Variants in GALNTL6 observed in about 807,000 individuals in gnomAD.
GALNTL6 encodes the protein polypeptide N-acetylgalactosaminyltransferase like 6, also known as polypeptide N-acetylgalactosaminyltransferase-like 6.
GALNTL6 carries 46 observed loss-of-function variants against 73.7 expected under a neutral mutation model. That is an observed-to-expected ratio of 0.62 (90% CI 0.49 to 0.80). The LOEUF (loss-of-function observed/expected upper bound fraction) is 0.80, where lower values mean the gene tolerates loss of function less well. GALNTL6 is among the 30% of genes least tolerant of loss of function. The pLI is 0.00. For synonymous variants in GALNTL6, 259 were observed against 263.7 expected (o/e 0.98, Z 0.17); for missense variants, 604 against 755.0 (o/e 0.80, Z 2.34).
chr4:171,954,719 T>C (rs1029389835), intron 2 of GALNTL6, among the ~76,000 whole-genome samples: 1 of 152,186 alleles, frequency 6.6e-6, no homozygotes, highest in South Asian at 2.1e-4. Flanking sequence ...TCTTGTCGAA[T>C]TGTAATCCCC....
At chr4:171,822,690 T>C (rs547464761) in intron 2 of GALNTL6, among the ~76,000 whole-genome samples, 6 of 152,330 alleles carry the variant, frequency 3.9e-5, no homozygotes, top group Admixed American at 1.3e-4. Flanking sequence ...ACCATATTTT[T>C]GGATATGCAA....
At chr4:172,375,295 G>A (rs1030609828) in intron 5 of GALNTL6, among the ~76,000 whole-genome samples, 12 of 152,220 alleles carry the variant, frequency 7.9e-5, no homozygotes, top group Admixed American at 5.9e-4. Flanking sequence ...GTTGTAACTT[G>A]TACTTCCCTT....
chr4:172,634,235 C>G (rs1739544044), intron 5 of GALNTL6, among the ~76,000 whole-genome samples: 1 of 152,154 alleles, frequency 6.6e-6, no homozygotes, highest in South Asian at 2.1e-4. Context: ...TCTCTCCAGT[C>G]CATAGCAGTG....
intron 2 of GALNTL6, among the ~76,000 whole-genome samples, chr4:172,094,630 A>G (rs2110947459): frequency 6.6e-6 from 1 of 152,230 alleles, no homozygotes; most frequent in South Asian, 2.1e-4. Flanking sequence ...ATGTTTCAAA[A>G]TCATGCTATT....
In GALNTL6 at chr4:172,726,847, C is replaced by G. The variant is rs78918619; in HGVS notation, c.554-82514C>G. ...ACCTGGTGTATGAGGTCCCTATTCT[C>G]TCTCTAATAGTCCCTGCTTCTGTGA... On this transcript the variant is annotated intron_variant, in intron 5 of 12. Coordinates refer to ENST00000506823, the MANE Select transcript of GALNTL6 (RefSeq NM_001034845.3). 4.8e-3 allele frequency among the ~76,000 whole-genome samples: 735 copies of G among 152,274 alleles called. 7 individuals are homozygous for G. The highest frequency in any genetic ancestry group is 0.016 in the African/African-American group (683 of 41,540).
chr4:172,064,692 C>T (rs1731306253), intron 2 of GALNTL6, among the ~76,000 whole-genome samples: 1 of 152,080 alleles, frequency 6.6e-6, no homozygotes, highest in South Asian at 2.1e-4. Context: ...TTGATATCAC[C>T]TCTTTCCAAC....
chr4:172,406,782 T>C (rs187706140), intron 5 of GALNTL6, among the ~76,000 whole-genome samples: 2 of 152,080 alleles, frequency 1.3e-5, no homozygotes, highest in South Asian at 2.1e-4. Context: ...TCAATACTTT[T>C]CAAATTTTAC....
chr4:171,982,361 G>T (rs140104949), intron 2 of GALNTL6, among the ~76,000 whole-genome samples: 1 of 151,994 alleles, frequency 6.6e-6, no homozygotes, highest in Non-Finnish European at 1.5e-5. Flanking sequence ...GCAGTGGCGC[G>T]ATCTCGGCCC....
At chr4:171,944,292 G>T (rs908682421) in intron 2 of GALNTL6, among the ~76,000 whole-genome samples, 1 of 151,890 alleles carries the variant, frequency 6.6e-6, no homozygotes, top group South Asian at 2.1e-4. Flanking sequence ...ACATTGTGTT[G>T]GAATAGAAGA....
chr4:172,227,882 G>C (rs959803135), intron 2 of GALNTL6, among the ~76,000 whole-genome samples: 5 of 152,136 alleles, frequency 3.3e-5, no homozygotes, highest in Admixed American at 6.5e-5. Context: ...AAACGCTGGA[G>C]TTTACACAAG....
intron 2 of GALNTL6, among the ~76,000 whole-genome samples, chr4:172,055,943 A>T (rs1731008263): frequency 6.6e-6 from 1 of 152,186 alleles, no homozygotes; most frequent in Non-Finnish European, 1.5e-5. Flanking sequence ...AAAAGTTGTC[A>T]GTTTATGATG....
At chr4:171,914,658 T>G (rs1737565454) in intron 2 of GALNTL6, among the ~76,000 whole-genome samples, 1 of 151,648 alleles carries the variant, frequency 6.6e-6, no homozygotes, top group African/African-American at 2.4e-5. Flanking sequence ...TCAGGCAATC[T>G]GCCCGTCTTG....
Position 172,042,655 on chromosome 4 carries a change from T to TA in GALNTL6, c.139-186993dup, listed in dbSNP as rs112209115. On this transcript the variant is annotated intron_variant, in intron 2 of 12. Transcript: ENST00000506823. ...ATTATCTGGAAAAATCTGCTTTTTT[T>TA]AAAAAAAATATACAAAACAACTCAA... is the stretch of plus-strand genomic sequence containing the variant. Among the ~76,000 whole-genome samples the TA allele has an allele frequency of 8.8e-4, 134 of 151,464 alleles. 1 individual carries two copies. The highest frequency in any genetic ancestry group is 2.8e-3 in the African/African-American group (117 of 41,364).
At chr4:173,014,408 G>C (rs905358001) in intron 11 of GALNTL6, among the ~76,000 whole-genome samples, 5 of 152,218 alleles carry the variant, frequency 3.3e-5, no homozygotes. Context: ...CCACTCTGCA[G>C]GCCCAGCAGC....
chr4:172,496,831 T>A lies in GALNTL6; in HGVS notation c.553+148142T>A, dbSNP rs77349580. On this transcript the variant is annotated intron_variant, in intron 5 of 12. Coordinates refer to ENST00000506823, the MANE Select transcript of GALNTL6 (RefSeq NM_001034845.3). ...TCAGCCACTGCTAGTGCTAAGATTT[T>A]GGGAAAATAACTTATTTGCACCTCA... Among the ~76,000 whole-genome samples the A allele has an allele frequency of 8.6e-3, 1,314 of 152,326 alleles. 22 individuals are homozygous for A. Among genetic ancestry groups the A allele is most frequent in the African/African-American group, 0.03 (1,260 of 41,560 alleles).
intron 2 of GALNTL6, among the ~76,000 whole-genome samples, chr4:172,177,964 T>A (rs1735100879): frequency 6.6e-6 from 1 of 151,872 alleles, no homozygotes; most frequent in Non-Finnish European, 1.5e-5. Flanking sequence ...ATCGTGAATA[T>A]GTCATTCAAT....
intron 12 of GALNTL6, among the ~76,000 whole-genome samples, chr4:173,032,120 G>C (rs765629552): frequency 1.9e-4 from 29 of 152,196 alleles, no homozygotes; most frequent in Admixed American, 7.9e-4. Flanking sequence ...TGAACTATTA[G>C]GTTGGTGCAA....
rs545652769 is a variant in GALNTL6 at position 172,406,865 on chromosome 4, A to G, written c.553+58176A>G. ...ATTTTTAAGTTTATTCATAGTTTCA[A>G]TAATTCAAGATGAGAACCAAATATT... is the stretch of plus-strand genomic sequence containing the variant. On this transcript the variant is annotated intron_variant, in intron 5 of 12. Coordinates refer to ENST00000506823, the MANE Select transcript of GALNTL6 (RefSeq NM_001034845.3). Among the ~76,000 whole-genome samples, 35 of 152,154 alleles carry G rather than the reference A, an allele frequency of 2.3e-4. No individual in the cohort carries two copies. The South Asian group carries it at 5.4e-3, about 23-fold the overall frequency.
At chr4:172,254,980 A>G (rs1054896042) in intron 3 of GALNTL6, among the ~76,000 whole-genome samples, 1 of 151,696 alleles carries the variant, frequency 6.6e-6, no homozygotes, top group African/African-American at 2.4e-5. Context: ...ACTAAAATGG[A>G]TGGCAGAAAT....
Sources: gnomAD v4.1 joint callset for allele counts (sites outside exome capture counted in the v4.1 genomes callset) on GRCh38, gnomAD v4.1.1 for gene constraint, MANE v1.5 for transcripts, NCBI Gene and HGNC (gene_info 2026-07-23, HGNC 2026-07-21) for gene names.